Variants in SUV39H2 observed in about 807,000 individuals in gnomAD.
SUV39H2 encodes the protein SUV39H2 histone lysine methyltransferase.
A neutral mutation model predicts 47.5 loss-of-function variants in SUV39H2; 10 were observed. That is an observed-to-expected ratio of 0.21 (90% CI 0.13 to 0.36). The LOEUF (loss-of-function observed/expected upper bound fraction) is 0.36. SUV39H2 is among the 10% of genes least tolerant of loss of function. The pLI is 1.00. For synonymous variants in SUV39H2, 159 were observed against 166.8 expected, an observed-to-expected ratio of 0.95 and a Z score of 0.36; for missense variants, 266 against 487.4, an observed-to-expected ratio of 0.55 and a Z score of 4.28.
intron 2 of SUV39H2, among the ~76,000 whole-genome samples, chr10:14,883,464 G>A (rs1055153189): frequency 5.9e-5 from 9 of 151,688 alleles, no homozygotes; most frequent in African/African-American, 1.9e-4. Flanking sequence ...TAGCACTTTG[G>A]GGGGCCAAGG....
In SUV39H2 at chr10:14,898,202, C is replaced by CTTTTTTTTTTTT. The variant is rs919860514; in HGVS notation, c.849+702_849+713dup. On this transcript the variant is annotated intron_variant, in intron 3 of 5. Transcript: ENST00000354919. ...AAAACTCAGTGAGGTAGTACTGTTT[C>CTTTTTTTTTTTT]TTTTTTTTTTTTTTTTTTTTTTTTT... is the stretch of plus-strand genomic sequence containing the variant. 142 of 56,150 alleles carry CTTTTTTTTTTTT rather than the reference C, an allele frequency of 2.5e-3. 18 individuals carry two copies. The highest frequency in any genetic ancestry group is 3.1e-3 in the Non-Finnish European group (87 of 28,186). The allele number at this position is 56,150 out of a possible 1,614,324, so 3.5% of individuals were successfully genotyped here.
intron 3 of SUV39H2, chr10:14,898,952 G>A (rs1480388868): frequency 9.2e-6 from 4 of 435,088 alleles, no homozygotes; most frequent in Non-Finnish European, 1.6e-5. Flanking sequence ...GTCCTGTAGA[G>A]AGCTATAGTT....
At chr10:14,899,294 T>C (rs567582672) in intron 3 of SUV39H2, 1 of 701,746 alleles carries the variant, frequency 1.4e-6, no homozygotes, top group South Asian at 1.5e-5. Context: ...CATTCTAGCC[T>C]GAGTGACAGA....
rs543776803 is a variant in SUV39H2 at position 14,899,566 on chromosome 10, C to A, written c.877C>A (p.Arg293=). The A allele has an allele frequency of 1.2e-6, 2 of 1,614,052 alleles. No individual in the cohort carries two copies. Among genetic ancestry groups the A allele is most frequent in the South Asian group, 2.2e-5 (2 of 91,072 alleles). The change falls in exon 4 of 6, where the codon CGA becomes AGA. Residue 293 remains arginine (R), a synonymous_variant. Transcript: ENST00000354919. Reference sequence around the variant, plus strand: ...AATCACAAGTGAAGAAGCTGAAAGACGAGGACAGTTCTATGACAACAAGGG... The same window carrying A: ...AATCACAAGTGAAGAAGCTGAAAGAAGAGGACAGTTCTATGACAACAAGGG... ...EVITSEEAER[R]GQFYDNKGIT...
chr10:14,883,353 C>G lies in SUV39H2; in HGVS notation c.177+1708C>G, dbSNP rs539992673. Among the ~76,000 whole-genome samples, 7 of 152,148 alleles carry G rather than the reference C, an allele frequency of 4.6e-5. No individual in the cohort carries two copies. In the East Asian group the frequency reaches 1.4e-3, roughly 29 times the overall value. The stretch of plus-strand genomic sequence containing the variant: ...CATGTCCCATTAATTTTTTTAACAG[C>G]TTTGTTGAGATATAATTCACATGCT... On this transcript the variant is annotated intron_variant, in intron 2 of 5. Coordinates refer to ENST00000354919, the MANE Select transcript of SUV39H2 (RefSeq NM_001193424.2).
At chr10:14,892,878 G>A (rs1322273911) in intron 2 of SUV39H2, among the ~76,000 whole-genome samples, 1 of 150,534 alleles carries the variant, frequency 6.6e-6, no homozygotes, top group Admixed American at 6.6e-5. Context: ...GGAGTGCAGT[G>A]GCTTGATCTC....
At chr10:14,899,793 C>A in intron 4 of SUV39H2, 108 bp downstream of exon 4, 1 of 1,307,818 alleles carries the variant, frequency 7.6e-7, no homozygotes. Context: ...TTAACATTTC[C>A]AAAATATGTA....
chr10:14,884,865 A>G (rs542814284), intron 2 of SUV39H2, among the ~76,000 whole-genome samples: 59 of 152,338 alleles, frequency 3.9e-4, no homozygotes, highest in South Asian at 3.5e-3. Context: ...CTTTGAAACA[A>G]GGATCATTAT....
At chr10:14,886,166 T>A (rs1833202213) in intron 2 of SUV39H2, among the ~76,000 whole-genome samples, 1 of 152,242 alleles carries the variant, frequency 6.6e-6, no homozygotes, top group Non-Finnish European at 1.5e-5. Context: ...CAGACCCAGC[T>A]TATATTCTAA....
chr10:14,893,153 G>A (rs1370377859), intron 2 of SUV39H2, among the ~76,000 whole-genome samples: 9 of 151,372 alleles, frequency 5.9e-5, no homozygotes, highest in East Asian at 1.9e-4. Context: ...ACAGGCGCCC[G>A]CCACCTCGCC....
chr10:14,891,145 G>A (rs1833376437), intron 2 of SUV39H2, among the ~76,000 whole-genome samples: 1 of 152,182 alleles, frequency 6.6e-6, no homozygotes, highest in Non-Finnish European at 1.5e-5. Flanking sequence ...TCATAGAAGA[G>A]GTGATATTTA....
intron 5 of SUV39H2, among the ~76,000 whole-genome samples, 196 bp downstream of exon 5, chr10:14,901,458 A>G (rs760022618): frequency 3.3e-5 from 5 of 152,218 alleles, no homozygotes; most frequent in Non-Finnish European, 5.9e-5. Flanking sequence ...GCTTCAGCTG[A>G]GGAATGGTTC....
chr10:14,900,405 A>G (rs1833920182), intron 4 of SUV39H2, among the ~76,000 whole-genome samples: 1 of 152,230 alleles, frequency 6.6e-6, no homozygotes. Context: ...CTGAACATAT[A>G]AAGGAAGTAG....
At chr10:14,890,862 C>A (rs934294519) in intron 2 of SUV39H2, among the ~76,000 whole-genome samples, 4 of 152,184 alleles carry the variant, frequency 2.6e-5, no homozygotes, top group African/African-American at 9.6e-5. Flanking sequence ...TTGCTACCTC[C>A]AAGTTTATCA....
chr10:14,897,213 G>C lies in SUV39H2; in HGVS notation c.545G>C (p.Ser182Thr), dbSNP rs149546848. Residue 182 changes from serine to threonine, a missense_variant, in exon 3 of 6, where the codon AGC (serine) becomes ACC (threonine). By Grantham distance (58) the Ser-to-Thr change is moderately conservative (BLOSUM62 1). Coordinates refer to ENST00000354919, the MANE Select transcript of SUV39H2 (RefSeq NM_001193424.2). ...INEYKPAPGI[S>T]LVNEATFGCS... ...GAATACAAACCAGCTCCTGGAATCA[G>C]CTTAGTCAATGAAGCTACCTTTGGT... 3.8e-5 allele frequency: 61 copies of C among 1,613,844 alleles called. No individual in the cohort carries two copies. The African/African-American group carries it at 7.2e-4, about 19-fold the overall frequency.
chr10:14,898,989 T>C, intron 3 of SUV39H2: 1 of 493,154 alleles, frequency 2.0e-6, no homozygotes, highest in East Asian at 3.0e-5. Context: ...ATCCTAATTA[T>C]AATGAAAGTA....
At position 14,903,224 on chromosome 10, in the gene SUV39H2, GGCTA is replaced by G. The variant is rs1418795822; in HGVS notation, c.*715_*718del. On this transcript the variant is annotated 3_prime_UTR_variant, in exon 6 of 6. Transcript: ENST00000354919. ...AGAGCTCTCTCTAGAAGTCCAAAATGGCTAGCCATTATGCTTCTTTGAAAGGACA... is the reference window on the plus strand; with the variant it reads ...AGAGCTCTCTCTAGAAGTCCAAAATGGCCATTATGCTTCTTTGAAAGGACA... 1.3e-5 allele frequency: 2 copies of G among 152,076 alleles called. No individual in the cohort carries two copies. Among genetic ancestry groups the G allele is most frequent in the Non-Finnish European group, 2.9e-5 (2 of 68,020 alleles). 9.4% of individuals were successfully genotyped at this position (152,076 alleles called of 1,614,324 possible).
intron 4 of SUV39H2, among the ~76,000 whole-genome samples, chr10:14,900,473 A>T (rs1313971625): frequency 6.6e-6 from 1 of 152,160 alleles, no homozygotes; most frequent in Non-Finnish European, 1.5e-5. Context: ...ATTAGCAGAG[A>T]GCTTCTGGGC....
intron 3 of SUV39H2, chr10:14,899,158 T>C (rs74470596): frequency 3.0e-4 from 208 of 697,450 alleles, no homozygotes; most frequent in African/African-American, 1.0e-3. Context: ...CACATCTCTA[T>C]AAAAACTAAA....
Sources: gnomAD v4.1 joint callset for allele counts (sites outside exome capture counted in the v4.1 genomes callset) on GRCh38, gnomAD v4.1.1 for gene constraint, MANE v1.5 for transcripts, NCBI Gene and HGNC (gene_info 2026-07-23, HGNC 2026-07-21) for gene names.